The following SVIL variants were observed in gnomAD, a reference collection of about 807,000 sequenced individuals.
SVIL encodes the protein supervillin, also known as archvillin.
Under a neutral mutation model 240.4 loss-of-function variants are expected in SVIL, and 101 were observed. The observed-to-expected ratio is 0.42, with a 90% CI of 0.36 to 0.50. SVIL has a LOEUF of 0.50. SVIL is among the 20% of genes least tolerant of loss of function. SVIL has a pLI of 0.01. For missense variants in SVIL, 2,512 were observed against 2,818.7 expected (o/e 0.89, Z 2.46); for synonymous variants, 999 against 1,100.0 (o/e 0.91, Z 1.82).
intron 3 of SVIL, among the ~76,000 whole-genome samples, chr10:29,645,459 A>G (rs934699126): frequency 1.3e-5 from 2 of 151,934 alleles, no homozygotes; most frequent in African/African-American, 2.4e-5. Context: ...AGTCCAAACT[A>G]CTCGGGAGGC....
chr10:29,466,322 A>G (rs1032792749), intron 33 of SVIL, among the ~76,000 whole-genome samples: 1 of 152,100 alleles, frequency 6.6e-6, no homozygotes, highest in Non-Finnish European at 1.5e-5. Context: ...ACTTCTAAGT[A>G]AAACAAAACA....
intron 1 of SVIL, among the ~76,000 whole-genome samples, chr10:29,632,506 A>G (rs963546421): frequency 5.3e-5 from 8 of 151,540 alleles, no homozygotes; most frequent in Non-Finnish European, 7.4e-5. Context: ...AAAAAAAAAG[A>G]AAAAAGAAAA....
In SVIL at chr10:29,550,882, T is replaced by A; in HGVS notation, c.542A>T (p.Glu181Val). ...CACATGGAGGGCATAGTCCTTGGAT[T>A]CACCGGCACAGGTCCTGAGCCCCAT... is the stretch of plus-strand genomic sequence containing the variant. ...ETMGLRTCAGESKDYALHVGD... is the reference protein window; with the variant it reads ...ETMGLRTCAGVSKDYALHVGD... Residue 181 changes from glutamate to valine, a missense_variant, in exon 6 of 38, where the codon GAA becomes GTA. Physicochemically the swap from Glu to Val is moderately radical, Grantham distance 121. Coordinates refer to ENST00000355867, the MANE Select transcript of SVIL (RefSeq NM_021738.3). 1 of 1,613,994 alleles carries A rather than the reference T, an allele frequency of 6.2e-7. No homozygotes were observed. The highest frequency in any genetic ancestry group is 8.5e-7 in the Non-Finnish European group (1 of 1,179,968).
Position 29,471,182 on chromosome 10 carries a change from A to G in SVIL, c.5591T>C (p.Val1864Ala), listed in dbSNP as rs944754889. 3 of 1,613,736 alleles carry G rather than the reference A, an allele frequency of 1.9e-6. No individual in the cohort carries two copies. The highest frequency in any genetic ancestry group is 1.7e-6 in the Non-Finnish European group (2 of 1,179,932). Residue 1864 changes from valine to alanine, a missense_variant, in exon 31 of 38, where the codon GTG becomes GCG. By Grantham distance (64) the Val-to-Ala change is moderately conservative. Coordinates refer to ENST00000355867, the MANE Select transcript of SVIL (RefSeq NM_021738.3). ...CTCTTCCCGCCTCCCCGAGTGCACC[A>G]CCATCCCCCCCTGGAAACACTGCAG... ...CFLQCFQGGM[V>A]VHSGRREEEE...
chr10:29,607,797 G>C (rs544346132), intron 1 of SVIL, among the ~76,000 whole-genome samples: 3 of 152,160 alleles, frequency 2.0e-5, no homozygotes, highest in Non-Finnish European at 4.4e-5. Flanking sequence ...GCAGCTCAAG[G>C]CTTCCCATCC....
At chr10:29,665,345 C>T (rs1481615208) in intron 2 of SVIL, among the ~76,000 whole-genome samples, 2 of 151,870 alleles carry the variant, frequency 1.3e-5, no homozygotes, top group African/African-American at 2.4e-5. Context: ...ACTCCTGAAT[C>T]CCATACAGTT....
chr10:29,460,058 C>T (rs1944057650), intron 36 of SVIL, among the ~76,000 whole-genome samples: 1 of 152,126 alleles, frequency 6.6e-6, no homozygotes, highest in Non-Finnish European at 1.5e-5. Context: ...AGTCACCACA[C>T]TGCAGCCTGG....
At chr10:29,582,731 CTAATAATAATAATAATAATAA>C (rs61441935) in intron 1 of SVIL, among the ~76,000 whole-genome samples, 2 of 142,814 alleles carry the variant, frequency 1.4e-5, no homozygotes, top group Non-Finnish European at 3.0e-5. Context: ...GACCCTGTCT[CTAATAATAATAATAATAATAA>C]TAATAATAAT....
At chr10:29,544,422 C>CTAG (rs1400169659) in intron 6 of SVIL, among the ~76,000 whole-genome samples, 1 of 152,022 alleles carries the variant, frequency 6.6e-6, no homozygotes, top group African/African-American at 2.4e-5. Flanking sequence ...TACATAGTAG[C>CTAG]TAGGGTTTGG....
At position 29,465,733 on chromosome 10, in the gene SVIL, A is replaced by G; in HGVS notation, c.5995T>C (p.Phe1999Leu). Residue 1999 changes from phenylalanine (F) to leucine (L), a missense_variant, in exon 34 of 38, where the codon TTC becomes CTC. Physicochemically the swap from Phe to Leu is conservative, Grantham distance 22. This residue lies in a region of SVIL where 797 missense variants were observed against 925.3 expected (regional missense o/e 0.86). Transcript: ENST00000355867. ...CTGAGGATGAACAGGCGGGGCGCGA[A>G]GTTAAAACTTCCAGGATCTTTGAAA... ...CMLQDPGSFNFAPRLFILSSS... is the reference protein window; with the variant it reads ...CMLQDPGSFNLAPRLFILSSS... 6.2e-7 allele frequency: 1 copy of G among 1,612,564 alleles called. No individual in the cohort carries two copies. Among genetic ancestry groups the G allele is most frequent in the East Asian group, 2.2e-5 (1 of 44,872 alleles).
intron 28 of SVIL, 37 bp from the exon 29 acceptor site, chr10:29,480,850 G>A: frequency 1.3e-6 from 2 of 1,578,140 alleles, no homozygotes; most frequent in African/African-American, 1.3e-5. Flanking sequence ...TCAGTTGCCT[G>A]TTTCTGCAGC....
At chr10:29,476,869 A>C (rs1408923140) in intron 29 of SVIL, among the ~76,000 whole-genome samples, 1 of 151,982 alleles carries the variant, frequency 6.6e-6, no homozygotes, top group Non-Finnish European at 1.5e-5. Context: ...CTTCTGGGCT[A>C]TTCTTTTTTT....
At chr10:29,653,208 G>C (rs1353085132) in intron 3 of SVIL, among the ~76,000 whole-genome samples, 2 of 152,108 alleles carry the variant, frequency 1.3e-5, no homozygotes, top group Non-Finnish European at 2.9e-5. Flanking sequence ...AGGCCTGGTG[G>C]GAAGTGATTG....
chr10:29,594,290 A>C (rs1956498531), intron 1 of SVIL, among the ~76,000 whole-genome samples: 1 of 37,926 alleles, frequency 2.6e-5, no homozygotes, highest in Admixed American at 2.6e-4. Context: ...GATCTGAAAC[A>C]CTCCTAGGTC....
At chr10:29,467,017 T>C (rs1289810412) in intron 33 of SVIL, among the ~76,000 whole-genome samples, 1 of 151,792 alleles carries the variant, frequency 6.6e-6, no homozygotes, top group Non-Finnish European at 1.5e-5. Flanking sequence ...TTTCCTCATC[T>C]GTAAAAATGG....
chr10:29,647,497 G>A lies in SVIL; in HGVS notation c.-201+10472C>T, dbSNP rs1433933002. Among the ~76,000 whole-genome samples, 3 of 152,236 alleles carry A rather than the reference G, an allele frequency of 2.0e-5. No individual in the cohort carries two copies. In the South Asian group the frequency reaches 6.2e-4, roughly 32 times the overall value. ...AAGCTAGCAAAGAAAATTAGTAAAC[G>A]TATCCGAATGAAAGTGAAATAAAAA... On this transcript the variant is annotated intron_variant, in intron 3 of 35. Transcript: ENST00000375400.
intron 34 of SVIL, 108 bp from the exon 35 acceptor site, chr10:29,463,743 CA>C (rs1311430500): frequency 3.4e-6 from 5 of 1,459,510 alleles, no homozygotes; most frequent in South Asian, 1.3e-5. Context: ...TGCAGTGTCA[CA>C]GGGGGAAACC....
At chr10:29,594,866 T>C (rs57040845) in intron 1 of SVIL, among the ~76,000 whole-genome samples, 5,299 of 152,296 alleles carry the variant, frequency 0.035, 313 homozygotes, top group African/African-American at 0.12. Context: ...CTCTGCTCAA[T>C]TTTGAACCTG....
intron 36 of SVIL, among the ~76,000 whole-genome samples, chr10:29,459,529 C>T (rs1943983247): frequency 6.6e-6 from 1 of 152,082 alleles, no homozygotes; most frequent in Non-Finnish European, 1.5e-5. Context: ...AAATCACACC[C>T]CCCTTCCCTC....
Sources: gnomAD v4.1 joint callset for allele counts (sites outside exome capture counted in the v4.1 genomes callset) on GRCh38, gnomAD v4.1.1 for gene constraint, gnomAD v4.1.1 regional missense constraint, MANE v1.5 for transcripts, NCBI Gene and HGNC (gene_info 2026-07-23, HGNC 2026-07-21) for gene names.